Variants in YIPF7 observed in about 807,000 individuals in gnomAD.
YIPF7 encodes protein YIPF7.
YIPF7 carries 35 observed loss-of-function variants against 27.2 expected under a neutral mutation model. The ratio of observed to expected loss-of-function variants is 1.29; its 90% confidence interval spans 0.98 to 1.70. The LOEUF (loss-of-function observed/expected upper bound fraction) is 1.70, where lower values mean the gene tolerates loss of function less well. Among genes scored for constraint, YIPF7 ranks in the 40% most tolerant of loss-of-function variants. The pLI, the probability that YIPF7 is intolerant of heterozygous loss-of-function variation, is 0.00. For missense variants in YIPF7, 358 were observed against 303.7 expected (o/e 1.18, Z -1.33); for synonymous variants, 137 against 110.4 (o/e 1.24, Z -1.51).
intron 2 of YIPF7, among the ~76,000 whole-genome samples, chr4:44,657,416 T>C (rs17653909): frequency 0.077 from 11,797 of 152,268 alleles, 535 homozygotes; most frequent in Admixed American, 0.13. Flanking sequence ...TTAAATACAA[T>C]TGAATCTTCT....
chr4:44,638,948 T>G (rs1264469608), intron 2 of YIPF7, among the ~76,000 whole-genome samples: 1 of 152,234 alleles, frequency 6.6e-6, no homozygotes, highest in Non-Finnish European at 1.5e-5. Context: ...GAAAAGAGTG[T>G]CCTTTTTCCA....
chr4:44,649,189 A>G (rs1264769041), intron 2 of YIPF7, among the ~76,000 whole-genome samples: 1 of 152,200 alleles, frequency 6.6e-6, no homozygotes, highest in Non-Finnish European at 1.5e-5. Flanking sequence ...TCTGGTTCTC[A>G]AGAAGTGCCC....
chr4:44,655,068 T>C (rs1297954576), upstream of YIPF7, among the ~76,000 whole-genome samples: 1 of 152,040 alleles, frequency 6.6e-6, no homozygotes, highest in Non-Finnish European at 1.5e-5. Flanking sequence ...TCTCTGGTGA[T>C]CTGTCACATG....
At chr4:44,638,754 A>T (rs1317825822) in intron 2 of YIPF7, among the ~76,000 whole-genome samples, 1 of 152,176 alleles carries the variant, frequency 6.6e-6, no homozygotes, top group Non-Finnish European at 1.5e-5. Context: ...TCTTAGTCAT[A>T]AATTCTTTGC....
chr4:44,650,493 A>ATG (rs1443650869), intron 1 of YIPF7, among the ~76,000 whole-genome samples: 6 of 90,930 alleles, frequency 6.6e-5, no homozygotes, highest in Non-Finnish European at 2.2e-5. Flanking sequence ...GCGCACACAC[A>ATG]TGCGCGCGCG....
intron 3 of YIPF7, among the ~76,000 whole-genome samples, chr4:44,634,509 G>A (rs1175466539): frequency 6.6e-6 from 1 of 151,966 alleles, no homozygotes; most frequent in Non-Finnish European, 1.5e-5. Context: ...TCCAGCCTCG[G>A]CAACAGAGTA....
At chr4:44,654,412 CTT>C (rs1281317152), upstream of YIPF7, among the ~76,000 whole-genome samples, 1 of 151,624 alleles carries the variant, frequency 6.6e-6, no homozygotes, top group Non-Finnish European at 1.5e-5. Flanking sequence ...CTCATAGACA[CTT>C]TCTTTTCCTT....
upstream of YIPF7, among the ~76,000 whole-genome samples, chr4:44,651,840 G>A (rs866457322): frequency 3.3e-5 from 5 of 152,132 alleles, no homozygotes; most frequent in Non-Finnish European, 7.3e-5. Context: ...ATTCCCTTTT[G>A]TACATATCTA....
chr4:44,657,757 G>A (rs1406331577), intron 2 of YIPF7, among the ~76,000 whole-genome samples: 1 of 152,138 alleles, frequency 6.6e-6, no homozygotes. Flanking sequence ...TCCCCCTACT[G>A]TAACGATGCT....
At chr4:44,629,138 C>A (rs560553197) in intron 4 of YIPF7, 188 of 292,044 alleles carry the variant, frequency 6.4e-4, no homozygotes, top group Middle Eastern at 2.9e-3. Flanking sequence ...GATTTACAGT[C>A]TTTTCTTAAT....
intron 2 of YIPF7, among the ~76,000 whole-genome samples, chr4:44,640,510 G>A (rs1445026970): frequency 6.6e-6 from 1 of 152,204 alleles, no homozygotes; most frequent in African/African-American, 2.4e-5. Context: ...TGGGTAAAGT[G>A]TAGTCACCAC....
intron 3 of YIPF7, among the ~76,000 whole-genome samples, chr4:44,635,634 A>AT (rs1289168315): frequency 6.6e-6 from 1 of 152,172 alleles, no homozygotes; most frequent in Non-Finnish European, 1.5e-5. Flanking sequence ...AGATGTCTTC[A>AT]TTTTTTTCTA....
chr4:44,644,878 C>A (rs1429019450), intron 2 of YIPF7, among the ~76,000 whole-genome samples: 1 of 152,120 alleles, frequency 6.6e-6, no homozygotes, highest in African/African-American at 2.4e-5. Flanking sequence ...GATGGTTTAG[C>A]ACCATCCCCC....
At chr4:44,628,719 C>T (rs931254530) in intron 4 of YIPF7, among the ~76,000 whole-genome samples, 5 of 151,966 alleles carry the variant, frequency 3.3e-5, no homozygotes, top group Non-Finnish European at 5.9e-5. Context: ...GTCTTTTAAA[C>T]TTTACTTAGG....
chr4:44,634,566 T>C (rs1284652312), intron 3 of YIPF7, among the ~76,000 whole-genome samples: 2 of 151,870 alleles, frequency 1.3e-5, no homozygotes, highest in Admixed American at 6.6e-5. Context: ...ATAAAGTAAA[T>C]AAAAAGAATA....
At chr4:44,647,897 T>C (rs1001951388) in intron 2 of YIPF7, among the ~76,000 whole-genome samples, 7 of 129,574 alleles carry the variant, frequency 5.4e-5, no homozygotes, top group Admixed American at 4.3e-4. Flanking sequence ...TGTGTGTGGA[T>C]GTGTGTGTGT....
chr4:44,635,066 G>T (rs574885450), intron 3 of YIPF7, among the ~76,000 whole-genome samples: 1 of 152,230 alleles, frequency 6.6e-6, no homozygotes, highest in South Asian at 2.1e-4. Flanking sequence ...TTCATGTGAG[G>T]CAAACACCTT....
At chr4:44,643,424 A>T (rs547433707) in intron 2 of YIPF7, among the ~76,000 whole-genome samples, 2 of 152,350 alleles carry the variant, frequency 1.3e-5, no homozygotes, top group East Asian at 3.9e-4. Flanking sequence ...AATTATATTT[A>T]AAAATGAACC....
intron 4 of YIPF7, among the ~76,000 whole-genome samples, chr4:44,626,763 CTTTTTTTTTTTTT>C (rs71190269): frequency 1.4e-5 from 1 of 69,766 alleles, no homozygotes; most frequent in Non-Finnish European, 2.4e-5. Flanking sequence ...ATTAGCACAT[CTTTTTTTTTTTTT>C]TTTTTTTTTT....
Sources: allele counts gnomAD v4.1 joint callset (sites outside exome capture counted in the v4.1 genomes callset), GRCh38; gene constraint gnomAD v4.1.1; transcripts MANE v1.5; gene names NCBI Gene and HGNC (gene_info 2026-07-23, HGNC 2026-07-21).